Variants in UGT1A6 observed in about 807,000 individuals in gnomAD.
UGT1A6 encodes UDP-glucuronosyltransferase 1A6.
UGT1A6 carries 32 observed loss-of-function variants against 44.4 expected under a neutral mutation model. The ratio of observed to expected loss-of-function variants is 0.72; its 90% CI spans 0.54 to 0.97. The LOEUF (loss-of-function observed/expected upper bound fraction) is 0.97, where lower values mean the gene tolerates loss of function less well. UGT1A6 is among the 50% of genes least tolerant of loss of function. The probability of loss-of-function intolerance (pLI) is 0.00; values close to 1 mark genes in which losing one functional copy is unlikely to be tolerated. For synonymous variants in UGT1A6, 238 were observed against 248.5 expected, an observed-to-expected ratio of 0.96 and a Z score of 0.40; for missense variants, 685 against 661.9, an observed-to-expected ratio of 1.03 and a Z score of -0.38.
At chr2:233,763,667 A>G (rs1461035011) in intron 1 of UGT1A6, among the ~76,000 whole-genome samples, 2 of 152,194 alleles carry the variant, frequency 1.3e-5, no homozygotes, top group African/African-American at 4.8e-5. Context: ...AAAACTCCTG[A>G]ACTTTAAGAA....
Position 233,769,600 on chromosome 2 carries a change from G to C in UGT1A6, c.1301+1161G>C. ...GTTCAGATGAGAGGAGACGGAACAC[G>C]GGGACACACCAGCTTGAGCAAGGGA... is the stretch of plus-strand genomic sequence containing the variant. On this transcript the variant is annotated intron_variant, in intron 4 of 4. Coordinates refer to ENST00000305139, the MANE Select transcript of UGT1A6 (RefSeq NM_001072.4). The surrounding 1 kb of genome is among the most constrained non-coding windows in gnomAD (Gnocchi z 4.4). 6.2e-7 allele frequency: 1 copy of C among 1,612,786 alleles called. No individual in the cohort carries two copies. Among genetic ancestry groups the C allele is most frequent in the Non-Finnish European group, 8.5e-7 (1 of 1,179,854 alleles).
At chr2:233,737,905 A>C (rs1690628626) in intron 1 of UGT1A6, among the ~76,000 whole-genome samples, 1 of 152,094 alleles carries the variant, frequency 6.6e-6, no homozygotes. Flanking sequence ...AGTGTGGTAA[A>C]GAACAGGCTA....
chr2:233,712,122 A>C (rs776169880), intron 1 of UGT1A6, among the ~76,000 whole-genome samples: 9 of 152,356 alleles, frequency 5.9e-5, no homozygotes, highest in Non-Finnish European at 1.0e-4. Flanking sequence ...GACTTGCAGA[A>C]GACTGGAGCC....
intron 1 of UGT1A6, chr2:233,729,363 C>A (rs747061628): frequency 6.2e-7 from 1 of 1,614,038 alleles, no homozygotes; most frequent in Admixed American, 1.7e-5. Context: ...CCCTGACAAC[C>A]TATGCCATTT....
intron 1 of UGT1A6, chr2:233,754,785 C>A (rs751766973): frequency 1.7e-6 from 2 of 1,177,776 alleles, no homozygotes; most frequent in Non-Finnish European, 2.3e-6. Context: ...GCCAAAGGAA[C>A]GAAATCCTGT....
At chr2:233,721,529 G>A (rs537602053) in intron 1 of UGT1A6, 34 of 169,694 alleles carry the variant, frequency 2.0e-4, no homozygotes, top group Non-Finnish European at 3.5e-4. Context: ...TTCTTCCAGA[G>A]CCATAGGTAA....
intron 1 of UGT1A6, among the ~76,000 whole-genome samples, chr2:233,764,026 T>C (rs980223655): frequency 5.3e-5 from 8 of 152,158 alleles, no homozygotes; most frequent in African/African-American, 1.9e-4. Flanking sequence ...GGTGTCTAAG[T>C]GCTAAAGAAG....
chr2:233,721,901 G>A, intron 1 of UGT1A6: 1 of 456,940 alleles, frequency 2.2e-6, no homozygotes, highest in Non-Finnish European at 4.4e-6. Flanking sequence ...ATATCGAAAT[G>A]GTGCACACTG....
chr2:233,711,602 GC>G (rs2125624733), intron 1 of UGT1A6, among the ~76,000 whole-genome samples: 1 of 152,258 alleles, frequency 6.6e-6, no homozygotes, highest in African/African-American at 2.4e-5. Context: ...TCCTGCCTGC[GC>G]CCTCTGGTGG....
At chr2:233,770,651 C>A (rs1700124792) in intron 4 of UGT1A6, 1 of 150,460 alleles carries the variant, frequency 6.6e-6, no homozygotes, top group Middle Eastern at 3.2e-3. Context: ...GAGTGAGACT[C>A]CGTCTTACTT....
intron 1 of UGT1A6, among the ~76,000 whole-genome samples, chr2:233,763,057 G>T (rs920282385): frequency 6.6e-6 from 1 of 152,282 alleles, no homozygotes; most frequent in South Asian, 2.1e-4. Context: ...TATTGATTTA[G>T]ATAATTTCCT....
At chr2:233,755,176 G>A in intron 1 of UGT1A6, 1 of 1,238,182 alleles carries the variant, frequency 8.1e-7, no homozygotes, top group South Asian at 1.2e-5. Flanking sequence ...TTTTTGTCGG[G>A]GTGCCACTTG....
intron 1 of UGT1A6, among the ~76,000 whole-genome samples, chr2:233,724,368 T>A (rs1161929215): frequency 7.9e-6 from 1 of 127,164 alleles, no homozygotes; most frequent in Non-Finnish European, 1.7e-5. Context: ...CCGGACGGGG[T>A]GGCTGCCGGG....
At chr2:233,738,943 T>C (rs1690943388) in intron 1 of UGT1A6, 1 of 152,080 alleles carries the variant, frequency 6.6e-6, no homozygotes, top group African/African-American at 2.4e-5. Flanking sequence ...AAAAATGGTG[T>C]TTTAGGCTGG....
intron 1 of UGT1A6, chr2:233,740,547 G>GA (rs1691417394): frequency 6.6e-6 from 1 of 151,824 alleles, no homozygotes; most frequent in Non-Finnish European, 1.5e-5. Flanking sequence ...ACTCCAGCCA[G>GA]AAAAAATGTC....
At chr2:233,731,882 C>A (rs2078215677) in intron 1 of UGT1A6, among the ~76,000 whole-genome samples, 2 of 152,208 alleles carry the variant, frequency 1.3e-5, no homozygotes, top group Admixed American at 6.5e-5. Context: ...AATGGTTGAA[C>A]TAATTTACAC....
intron 1 of UGT1A6, among the ~76,000 whole-genome samples, chr2:233,757,766 G>A (rs1169168407): frequency 6.6e-6 from 1 of 151,746 alleles, no homozygotes; most frequent in Admixed American, 6.6e-5. Context: ...TGCTCCTTTA[G>A]TAATAAGCCT....
At position 233,757,353 on chromosome 2, in the gene UGT1A6, G is replaced by A. The variant is rs373045458; in HGVS notation, c.862-9681G>A. The stretch of plus-strand genomic sequence containing the variant: ...GGGACCATGACAGCTGGGTCTGAGA[G>A]ACAGTGGTAGAAACATCCAGATTCA... On this transcript the variant is annotated intron_variant, in intron 1 of 4. Transcript: ENST00000305139. Among the ~76,000 whole-genome samples, 3 of 151,254 alleles carry A rather than the reference G, an allele frequency of 2.0e-5. No homozygotes were observed. The East Asian group carries it at 5.9e-4, about 30-fold the overall frequency.
At chr2:233,734,402 G>T (rs2078521396) in intron 1 of UGT1A6, among the ~76,000 whole-genome samples, 1 of 152,028 alleles carries the variant, frequency 6.6e-6, no homozygotes. Flanking sequence ...GCGTCTATTT[G>T]ATTCTTCTCT....
Sources: gnomAD v4.1 joint callset for allele counts (sites outside exome capture counted in the v4.1 genomes callset) on GRCh38, gnomAD v4.1.1 for gene constraint, Gnocchi (gnomAD v3.1) non-coding constraint, MANE v1.5 for transcripts, NCBI Gene and HGNC (gene_info 2026-07-23, HGNC 2026-07-21) for gene names.